TRAF3IP1: variants seen among roughly 807,000 people sequenced by gnomAD.
The protein encoded by TRAF3IP1 is TRAF3-interacting protein 1.
Under a neutral mutation model 89.9 loss-of-function variants are expected in TRAF3IP1, and 53 were observed. The observed-to-expected ratio is 0.59, with a 90% CI of 0.47 to 0.74. The LOEUF is 0.74. Ranked by LOEUF, TRAF3IP1 falls within the 30% of genes least tolerant of loss-of-function variation. TRAF3IP1 has a pLI of 0.00. For missense variants in TRAF3IP1, 806 were observed against 866.1 expected (o/e 0.93, Z 0.87); for synonymous variants, 311 against 322.1 (o/e 0.97, Z 0.37).
chr2:238,394,980 C>G (rs1226934768), intron 15 of TRAF3IP1, among the ~76,000 whole-genome samples: 2 of 151,854 alleles, frequency 1.3e-5, no homozygotes, highest in Admixed American at 1.3e-4. Flanking sequence ...CAACTGAGTG[C>G]ATTTACTAGC....
At position 238,353,200 on chromosome 2, in the gene TRAF3IP1, G is replaced by A. The variant is rs747690881; in HGVS notation, c.1603G>A (p.Glu535Lys). The A allele has an allele frequency of 6.2e-7, 1 of 1,614,190 alleles. No individual in the cohort carries two copies. The highest frequency in any genetic ancestry group is 8.5e-7 in the Non-Finnish European group (1 of 1,180,028). ...MVTAVELEEE[E>K]KHGGLVKKIL... The stretch of plus-strand genomic sequence containing the variant: ...AACAGCAGTGGAACTAGAAGAAGAG[G>A]AGAAGCATGGTGAGTCCTGGGCACG... Residue 535 changes from glutamate to lysine, a missense_variant, in exon 14 of 17, where the codon GAG (glutamate) becomes AAG (lysine). By Grantham distance (56) the Glu-to-Lys change is moderately conservative (BLOSUM62 1). Transcript: ENST00000373327.
chr2:238,376,778 C>G (rs1164404945), intron 15 of TRAF3IP1, among the ~76,000 whole-genome samples: 1 of 152,106 alleles, frequency 6.6e-6, no homozygotes, highest in Non-Finnish European at 1.5e-5. Flanking sequence ...GACTTATAAC[C>G]AGCTTCATTT....
intron 1 of TRAF3IP1, among the ~76,000 whole-genome samples, chr2:238,323,423 C>T (rs1574885287): frequency 6.6e-6 from 1 of 152,270 alleles, no homozygotes; most frequent in East Asian, 1.9e-4. Context: ...AAAACCTCAA[C>T]AGGGACAAAA....
At chr2:238,390,012 G>T (rs377687672) in intron 15 of TRAF3IP1, among the ~76,000 whole-genome samples, 2 of 152,166 alleles carry the variant, frequency 1.3e-5, no homozygotes, top group Non-Finnish European at 2.9e-5. Context: ...GTGTGCGCAC[G>T]TGAGCACATG....
At chr2:238,390,969 T>G (rs1700970476) in intron 15 of TRAF3IP1, among the ~76,000 whole-genome samples, 1 of 152,068 alleles carries the variant, frequency 6.6e-6, no homozygotes, top group Non-Finnish European at 1.5e-5. Flanking sequence ...TTTTCTTTTT[T>G]GAGAAAAAAG....
rs575658008 is a variant in TRAF3IP1, at chr2:238,321,495, C to CT, written c.123+710_123+711insT. On this transcript the variant is annotated intron_variant, in intron 1 of 16. Coordinates refer to ENST00000373327, the MANE Select transcript of TRAF3IP1 (RefSeq NM_015650.4). ...GGCAGGAAAGACTGTAACAGAGCTG[C>CT]ACAGCCTGCCCTACGTTGAGATTGG... 5.3e-5 allele frequency among the ~76,000 whole-genome samples: 8 copies of CT among 152,330 alleles called. No homozygotes were observed. In the South Asian group the frequency reaches 1.7e-3, roughly 32 times the overall value.
intron 15 of TRAF3IP1, among the ~76,000 whole-genome samples, chr2:238,366,904 C>A (rs1699900090): frequency 6.6e-6 from 1 of 152,008 alleles, no homozygotes; most frequent in South Asian, 2.1e-4. Flanking sequence ...TGGCTCACAC[C>A]TGTAATCCCA....
chr2:238,384,345 T>G lies in TRAF3IP1; in HGVS notation c.1690-13114T>G, dbSNP rs75537083. ...CTGTCCAGAATCAACCTGATGTATG[T>G]ATGTATGTATGTATGTATGTATGTA... On this transcript the variant is annotated intron_variant, in intron 15 of 16. Transcript: ENST00000373327. Among the ~76,000 whole-genome samples, 122 of 121,150 alleles carry G rather than the reference T, an allele frequency of 1.0e-3. 3 individuals are homozygous for G. The highest frequency in any genetic ancestry group is 5.3e-3 in the East Asian group (24 of 4,524). The allele number at this position is 121,150 out of a possible 152,430, so 79.5% of individuals were successfully genotyped here.
chr2:238,363,275 G>A lies in TRAF3IP1; in HGVS notation c.1689+7195G>A, dbSNP rs370291284. Among the ~76,000 whole-genome samples the A allele has an allele frequency of 1.3e-3, 194 of 151,978 alleles. 1 individual carries two copies. The highest frequency in any genetic ancestry group is 6.8e-3 in the Middle Eastern group (2 of 294). On this transcript the variant is annotated intron_variant, in intron 15 of 16. Transcript: ENST00000373327. ...GCACACAGCTCCTTTATTTTGAGTC[G>A]TTGTCGTTTTAAACCTACATATATT...
chr2:238,365,671 AAAAT>A lies in TRAF3IP1; in HGVS notation c.1689+9595_1689+9598del, dbSNP rs201470096. ...AGACCTGTCTCAAAAAAATAAAATA[AAAAT>A]AAAAATAAATAAATAAATAAAAATA... is the stretch of plus-strand genomic sequence containing the variant. On this transcript the variant is annotated intron_variant, in intron 15 of 16. Coordinates refer to ENST00000373327, the MANE Select transcript of TRAF3IP1 (RefSeq NM_015650.4). 1.0e-3 allele frequency among the ~76,000 whole-genome samples: 154 copies of A among 151,538 alleles called. 2 individuals carry two copies. Among genetic ancestry groups the A allele is most frequent in the African/African-American group, 3.5e-3 (145 of 41,134 alleles).
chr2:238,351,178 G>T lies in TRAF3IP1; in HGVS notation c.1452-1649G>T, dbSNP rs1699135023. On this transcript the variant is annotated intron_variant, in intron 12 of 16. Transcript: ENST00000373327. The surrounding 1 kb of genome is among the most constrained non-coding windows in gnomAD (Gnocchi z 5.2). ...TGGGAGTGGGCGTCGAGTGTGGGAG[G>T]TGGGATCATCCCAGCAGGGTTCAGG... Among the ~76,000 whole-genome samples the T allele has an allele frequency of 6.6e-6, 1 of 152,092 alleles. No individual in the cohort carries two copies. The highest frequency in any genetic ancestry group is 2.4e-5 in the African/African-American group (1 of 41,394).
At chr2:238,330,934 C>A (rs1698087217) in intron 5 of TRAF3IP1, among the ~76,000 whole-genome samples, 1 of 152,162 alleles carries the variant, frequency 6.6e-6, no homozygotes, top group African/African-American at 2.4e-5. Flanking sequence ...CAAAGACATT[C>A]CCCATCTTTT....
At position 238,351,866 on chromosome 2, in the gene TRAF3IP1, T is replaced by TGTGTGTGTGTGTGTGTGC. The variant is rs1421537563; in HGVS notation, c.1452-960_1452-959insTGTGTGTGTGTGTGTGCG. ...GTGTGTGTGTGTGTGTGTGTGTGTGTGCGCGCGCGCGCGTGTGCGTGCATG... is the reference window on the plus strand; with the variant it reads ...GTGTGTGTGTGTGTGTGTGTGTGTGTGTGTGTGTGTGTGTGTGCGCGCGCGCGCGCGTGTGCGTGCATG... On this transcript the variant is annotated intron_variant, in intron 12 of 16. Transcript: ENST00000373327. This position sits in a 1 kb window ranked among gnomAD's most constrained non-coding sequence, Gnocchi z 5.2. Among the ~76,000 whole-genome samples the TGTGTGTGTGTGTGTGTGC allele has an allele frequency of 2.2e-4, 28 of 128,244 alleles. No individual in the cohort carries two copies. The highest frequency in any genetic ancestry group is 9.2e-4 in the African/African-American group (27 of 29,480). 84.1% of individuals were successfully genotyped at this position (128,244 alleles called of 152,430 possible).
chr2:238,339,546 C>G (rs1698538810), intron 8 of TRAF3IP1, among the ~76,000 whole-genome samples: 1 of 152,240 alleles, frequency 6.6e-6, no homozygotes, highest in Non-Finnish European at 1.5e-5. Flanking sequence ...CCTGGTAGCC[C>G]CCACCCAGCT....
chr2:238,356,072 G>A lies in TRAF3IP1; in HGVS notation c.1681G>A (p.Gly561Arg), dbSNP rs1229063272. 1 of 1,613,124 alleles carries A rather than the reference G, an allele frequency of 6.2e-7. No homozygotes were observed. Among genetic ancestry groups the A allele is most frequent in the Non-Finnish European group, 8.5e-7 (1 of 1,179,234 alleles). Residue 561 changes from glycine (G) to arginine (R), a missense_variant, in exon 15 of 17, where the codon GGG (glycine) becomes AGG (arginine). By Grantham distance (125) the Gly-to-Arg change is moderately radical. Coordinates refer to ENST00000373327, the MANE Select transcript of TRAF3IP1 (RefSeq NM_015650.4). The stretch of plus-strand genomic sequence containing the variant: ...GAAATTGCAGCAGTCACCCAAACCT[G>A]GGGAGAAGGTAATGGAATGATTTCC... Reference protein sequence around the residue: ...YEKLQQSPKPGEKERSLFESA... With the variant: ...YEKLQQSPKPREKERSLFESA...
chr2:238,376,361 C>T (rs1340212379), intron 15 of TRAF3IP1, among the ~76,000 whole-genome samples: 4 of 152,144 alleles, frequency 2.6e-5, no homozygotes. Context: ...TTATACTGCT[C>T]CACTGGCCCG....
chr2:238,354,167 G>C (rs577970153), intron 14 of TRAF3IP1, among the ~76,000 whole-genome samples: 215 of 152,262 alleles, frequency 1.4e-3, no homozygotes, highest in African/African-American at 4.9e-3. Context: ...TTGACCAGGG[G>C]AGCCTATTGG....
intron 15 of TRAF3IP1, among the ~76,000 whole-genome samples, chr2:238,367,466 G>A (rs1478216602): frequency 6.6e-6 from 1 of 152,170 alleles, no homozygotes; most frequent in Non-Finnish European, 1.5e-5. Context: ...GGCCTTGAAA[G>A]GAATGGTTTA....
intron 10 of TRAF3IP1, 143 bp downstream of exon 10, chr2:238,347,618 A>G: frequency 1.3e-6 from 1 of 747,266 alleles, no homozygotes; most frequent in Non-Finnish European, 2.2e-6. Context: ...AACTACCCTA[A>G]TGTATTTATT....
Sources: gnomAD v4.1 joint callset for allele counts (sites outside exome capture counted in the v4.1 genomes callset) on GRCh38, gnomAD v4.1.1 for gene constraint, Gnocchi (gnomAD v3.1) non-coding constraint, MANE v1.5 for transcripts, NCBI Gene and HGNC (gene_info 2026-07-23, HGNC 2026-07-21) for gene names.